Variants in ATP2B2 observed in about 807,000 individuals in gnomAD.
ATP2B2 encodes the protein ATPase plasma membrane Ca2+ transporting 2, also known as plasma membrane calcium-transporting ATPase 2.
Under a neutral mutation model 120.0 loss-of-function variants are expected in ATP2B2, and 15 were observed. The observed-to-expected ratio is 0.12, with a 90% CI of 0.08 to 0.19. The LOEUF (loss-of-function observed/expected upper bound fraction) is 0.19. Ranked by LOEUF, ATP2B2 falls within the 10% of genes least tolerant of loss-of-function variation. The probability of loss-of-function intolerance (pLI) is 1.00; values close to 1 mark genes in which losing one functional copy is unlikely to be tolerated. For missense variants in ATP2B2, 1,045 were observed against 1,719.8 expected (o/e 0.61, Z 6.94); for synonymous variants, 694 against 700.3 (o/e 0.99, Z 0.14).
intron 1 of ATP2B2, among the ~76,000 whole-genome samples, chr3:10,680,481 G>A (rs1486537644): frequency 6.6e-6 from 1 of 152,170 alleles, no homozygotes; most frequent in Non-Finnish European, 1.5e-5. Flanking sequence ...GTGTGGTGGT[G>A]CATGTCAGCT....
intron 1 of ATP2B2, among the ~76,000 whole-genome samples, chr3:10,663,992 G>T (rs764939048): frequency 1.3e-5 from 2 of 152,062 alleles, no homozygotes; most frequent in Non-Finnish European, 2.9e-5. Context: ...CAAAGCCTGC[G>T]ACCCCACAGG....
chr3:10,674,021 C>T (rs1029409201), intron 1 of ATP2B2, among the ~76,000 whole-genome samples: 1 of 151,700 alleles, frequency 6.6e-6, no homozygotes, highest in Non-Finnish European at 1.5e-5. Context: ...CAATATTAAG[C>T]TTTGGGGCAG....
intron 22 of ATP2B2, chr3:10,335,977 C>G (rs755138950): frequency 1.1e-6 from 1 of 951,904 alleles, no homozygotes; most frequent in Non-Finnish European, 1.5e-6. Context: ...GCTCTCCTGA[C>G]CAACGGGACC....
intron 12 of ATP2B2, among the ~76,000 whole-genome samples, chr3:10,370,935 G>T (rs895616527): frequency 2.0e-5 from 3 of 152,224 alleles, no homozygotes; most frequent in African/African-American, 7.2e-5. Context: ...TTACAGCATG[G>T]TGAGTCTAGA....
At chr3:10,396,624 C>T (rs1017207530) in intron 5 of ATP2B2, among the ~76,000 whole-genome samples, 1 of 152,220 alleles carries the variant, frequency 6.6e-6, no homozygotes, top group African/African-American at 2.4e-5. Context: ...GGCTGTTATG[C>T]AGGGAGTTCA....
chr3:10,676,864 T>C (rs1433333242), intron 1 of ATP2B2, among the ~76,000 whole-genome samples: 2 of 152,230 alleles, frequency 1.3e-5, no homozygotes, highest in Non-Finnish European at 2.9e-5. Context: ...AACTATGTCA[T>C]GGTACAAACC....
At chr3:10,440,273 C>T (rs554253524) in intron 2 of ATP2B2, among the ~76,000 whole-genome samples, 6 of 152,188 alleles carry the variant, frequency 3.9e-5, no homozygotes, top group South Asian at 2.1e-4. Flanking sequence ...CCCCAACCTT[C>T]GGTTTCCCTG....
At chr3:10,474,894 G>A (rs1210579333) in intron 1 of ATP2B2, among the ~76,000 whole-genome samples, 2 of 152,234 alleles carry the variant, frequency 1.3e-5, no homozygotes, top group East Asian at 1.9e-4. Context: ...TGTGGGGAGC[G>A]GGCTGACCTG....
chr3:10,486,601 C>T (rs1242182257), intron 1 of ATP2B2, among the ~76,000 whole-genome samples: 5 of 152,144 alleles, frequency 3.3e-5, no homozygotes, highest in South Asian at 2.1e-4. Flanking sequence ...CAGATGGTGG[C>T]ATCTTGAACA....
chr3:10,338,087 G>A (rs954567802), intron 22 of ATP2B2, 89 bp downstream of exon 22: 2 of 1,556,082 alleles, frequency 1.3e-6, no homozygotes, highest in African/African-American at 2.7e-5. Flanking sequence ...ACCAGAGCTG[G>A]GCCCTGGGGG....
At position 10,363,159 on chromosome 3, in the gene ATP2B2, C is replaced by T. The variant is rs190783994; in HGVS notation, c.1660-3036G>A. Among the ~76,000 whole-genome samples the T allele has an allele frequency of 2.6e-5, 4 of 152,320 alleles. No homozygotes were observed. In the East Asian group the frequency reaches 7.7e-4, roughly 29 times the overall value. Reference sequence around the variant, plus strand: ...TGGTTGCAAATGGCAGAGCTGCCTCCTCCGTAATTCAGTTTGTTTCCATGA... The same window carrying T: ...TGGTTGCAAATGGCAGAGCTGCCTCTTCCGTAATTCAGTTTGTTTCCATGA... On this transcript the variant is annotated intron_variant, in intron 12 of 22. Transcript: ENST00000360273.
At chr3:10,504,410 C>T (rs1273148313) in intron 1 of ATP2B2, among the ~76,000 whole-genome samples, 2 of 152,168 alleles carry the variant, frequency 1.3e-5, no homozygotes, top group Non-Finnish European at 2.9e-5. Flanking sequence ...ACGCTGGGCT[C>T]AGGGCATGCA....
chr3:10,332,202 T>G (rs1338068217), intron 22 of ATP2B2: 2 of 666,760 alleles, frequency 3.0e-6, no homozygotes, highest in African/African-American at 3.6e-5. Flanking sequence ...TTTCTCCCCC[T>G]AACAGTGCAA....
intron 3 of ATP2B2, among the ~76,000 whole-genome samples, chr3:10,518,023 G>A (rs2066910321): frequency 7.1e-6 from 1 of 140,662 alleles, no homozygotes; most frequent in African/African-American, 2.5e-5. Context: ...AGCAGGCACA[G>A]CAAGAATGAA....
intron 1 of ATP2B2, among the ~76,000 whole-genome samples, chr3:10,697,872 T>C (rs2071762851): frequency 6.6e-6 from 1 of 152,220 alleles, no homozygotes; most frequent in Non-Finnish European, 1.5e-5. Flanking sequence ...CTTTTCTCAA[T>C]ACCTACCACG....
At chr3:10,509,409 G>A (rs527496085), upstream of ATP2B2, among the ~76,000 whole-genome samples, 1 of 152,282 alleles carries the variant, frequency 6.6e-6, no homozygotes, top group South Asian at 2.1e-4. Flanking sequence ...CGGGGGATAA[G>A]AAGGTATTTC....
At chr3:10,496,780 G>C (rs1320269707) in intron 1 of ATP2B2, among the ~76,000 whole-genome samples, 1 of 152,158 alleles carries the variant, frequency 6.6e-6, no homozygotes, top group Non-Finnish European at 1.5e-5. Context: ...CAAAAGGCTT[G>C]TTTCAAAGAT....
chr3:10,591,115 A>G (rs1356179331), intron 2 of ATP2B2, among the ~76,000 whole-genome samples: 1 of 152,000 alleles, frequency 6.6e-6, no homozygotes, highest in East Asian at 1.9e-4. Flanking sequence ...CCCTTCTGAG[A>G]GGAAGATGTC....
intron 2 of ATP2B2, chr3:10,570,401 G>A (rs968759747): frequency 2.6e-5 from 4 of 152,186 alleles, no homozygotes; most frequent in Admixed American, 6.5e-5. Flanking sequence ...GGCACCCCTC[G>A]ACTCACATCA....
Sources: allele counts gnomAD v4.1 joint callset (sites outside exome capture counted in the v4.1 genomes callset), GRCh38; gene constraint gnomAD v4.1.1; transcripts MANE v1.5; gene names NCBI Gene and HGNC (gene_info 2026-07-23, HGNC 2026-07-21).